The following PRKG1 variants were observed in gnomAD, a reference collection of about 807,000 sequenced individuals.
PRKG1 encodes the protein cGMP-dependent protein kinase 1.
A neutral mutation model predicts 88.1 loss-of-function variants in PRKG1; 35 were observed. That is an observed-to-expected ratio of 0.40 (90% CI 0.30 to 0.53). PRKG1 has a LOEUF of 0.53. Ranked by LOEUF, PRKG1 falls within the 20% of genes least tolerant of loss-of-function variation. The pLI is 0.59. For missense variants in PRKG1, 540 were observed against 839.8 expected, an observed-to-expected ratio of 0.64 and a Z score of 4.41; for synonymous variants, 303 against 292.5, an observed-to-expected ratio of 1.04 and a Z score of -0.37.
In PRKG1 at chr10:52,135,142, G is replaced by A. The variant is rs112522924; in HGVS notation, c.1001+1237G>A. On this transcript the variant is annotated intron_variant, in intron 8 of 17. Coordinates refer to ENST00000373980, the MANE Select transcript of PRKG1 (RefSeq NM_006258.4). The stretch of plus-strand genomic sequence containing the variant: ...AATGAGTTCAGAATAAAATTTTAAG[G>A]GAATTCAGAAAAGAGAGTGAGTACT... Among the ~76,000 whole-genome samples, 467 of 152,128 alleles carry A rather than the reference G, an allele frequency of 3.1e-3. 7 individuals are homozygous for A. Among genetic ancestry groups the A allele is most frequent in the African/African-American group, 0.011 (436 of 41,504 alleles).
At chr10:51,555,179 C>A (rs928781987) in intron 3 of PRKG1, among the ~76,000 whole-genome samples, 1 of 151,732 alleles carries the variant, frequency 6.6e-6, no homozygotes, top group Non-Finnish European at 1.5e-5. Flanking sequence ...CTCTCCAGTT[C>A]CAAGTGCTGA....
intron 7 of PRKG1, among the ~76,000 whole-genome samples, chr10:52,077,260 A>T (rs956176427): frequency 1.3e-5 from 2 of 152,194 alleles, no homozygotes; most frequent in African/African-American, 2.4e-5. Flanking sequence ...TCAGAAACAG[A>T]TTAGTATCAA....
chr10:51,568,211 C>T (rs76406262), intron 3 of PRKG1, among the ~76,000 whole-genome samples: 8,324 of 151,746 alleles, frequency 0.055, 348 homozygotes, highest in Middle Eastern at 0.088. Context: ...GAGTATTGTC[C>T]GAATGAGTGA....
intron 3 of PRKG1, among the ~76,000 whole-genome samples, chr10:51,628,777 G>A (rs1279231729): frequency 6.6e-6 from 1 of 151,338 alleles, no homozygotes; most frequent in Non-Finnish European, 1.5e-5. Flanking sequence ...GGCTAACAGG[G>A]TGAAACCCCG....
chr10:51,429,317 A>G (rs10997502), intron 2 of PRKG1, among the ~76,000 whole-genome samples: 38,383 of 152,130 alleles, frequency 0.25, 5,084 homozygotes, highest in Middle Eastern at 0.3. Flanking sequence ...GACTTAATCT[A>G]GAAAATCACT....
intron 1 of PRKG1, among the ~76,000 whole-genome samples, chr10:51,119,751 T>C (rs1845216617): frequency 6.6e-6 from 1 of 152,094 alleles, no homozygotes; most frequent in African/African-American, 2.4e-5. Flanking sequence ...TACTTTAAAA[T>C]AAAATGACAC....
intron 1 of PRKG1, among the ~76,000 whole-genome samples, chr10:51,145,404 TAG>T (rs1366516994): frequency 6.6e-6 from 1 of 152,190 alleles, no homozygotes; most frequent in Non-Finnish European, 1.5e-5. Context: ...ACTTCAGAAA[TAG>T]AGTTAGTTCT....
intron 2 of PRKG1, among the ~76,000 whole-genome samples, chr10:51,198,143 C>T (rs527998034): frequency 6.6e-6 from 1 of 152,046 alleles, no homozygotes; most frequent in African/African-American, 2.4e-5. Context: ...CAGTTTTGGG[C>T]AGGATAGTTG....
chr10:51,768,771 GT>G (rs1838233154), intron 3 of PRKG1, among the ~76,000 whole-genome samples: 1 of 152,164 alleles, frequency 6.6e-6, no homozygotes, highest in South Asian at 2.1e-4. Flanking sequence ...AATAGCCCTA[GT>G]GAAGTTAACT....
At position 51,536,807 on chromosome 10, in the gene PRKG1, C is replaced by G. The variant is rs896393881; in HGVS notation, c.592+68971C>G. Among the ~76,000 whole-genome samples the G allele has an allele frequency of 2.6e-4, 32 of 121,062 alleles. 1 individual carries two copies. The highest frequency in any genetic ancestry group is 3.8e-4 in the Non-Finnish European group (23 of 60,372). The allele number at this position is 121,062 out of a possible 152,430, so 79.4% of individuals were successfully genotyped here. On this transcript the variant is annotated intron_variant, in intron 3 of 17. Coordinates refer to ENST00000373980, the MANE Select transcript of PRKG1 (RefSeq NM_006258.4). ...TAACGCTATCCCTCACCCCTCCCCC[C>G]ACCCTGCAACAGTCCCCAGAATGTG...
chr10:51,271,437 G>A (rs924150339), intron 2 of PRKG1, among the ~76,000 whole-genome samples: 3 of 151,978 alleles, frequency 2.0e-5, no homozygotes, highest in Non-Finnish European at 2.9e-5. Context: ...GACAAACTTT[G>A]CAAAAAGTTT....
intron 1 of PRKG1, among the ~76,000 whole-genome samples, chr10:50,992,563 C>T (rs1842793609): frequency 6.6e-6 from 1 of 152,098 alleles, no homozygotes; most frequent in African/African-American, 2.4e-5. Context: ...TAGGCTGTTT[C>T]TCCGGACGCC....
chr10:51,007,181 G>T (rs766947215), intron 1 of PRKG1, among the ~76,000 whole-genome samples: 4 of 151,840 alleles, frequency 2.6e-5, no homozygotes, highest in African/African-American at 9.7e-5. Context: ...TCCTGACCTC[G>T]TGATCCACCC....
chr10:51,699,538 C>A, intron 3 of PRKG1: 2 of 1,609,768 alleles, frequency 1.2e-6, no homozygotes, highest in Non-Finnish European at 1.7e-6. Flanking sequence ...CTCTCACCGC[C>A]AAACTCGACA....
intron 9 of PRKG1, among the ~76,000 whole-genome samples, chr10:52,205,236 T>C (rs1029438685): frequency 6.6e-6 from 1 of 152,160 alleles, no homozygotes; most frequent in Non-Finnish European, 1.5e-5. Context: ...CCTTGTGATC[T>C]TTTGTCTCCC....
At position 51,954,681 on chromosome 10, in the gene PRKG1, G is replaced by A. The variant is rs1374530614; in HGVS notation, c.762+47111G>A. Among the ~76,000 whole-genome samples the A allele has an allele frequency of 3.3e-5, 5 of 152,184 alleles. No homozygotes were observed. In the East Asian group the frequency reaches 5.8e-4, roughly 18 times the overall value. ...AGGAGTCATATGTATGTATCTTGGC[G>A]ATTTGTAAGTCATAGGAATTTGGTA... On this transcript the variant is annotated intron_variant, in intron 5 of 17. Transcript: ENST00000373980.
chr10:51,774,647 C>T (rs1205701324), intron 3 of PRKG1, among the ~76,000 whole-genome samples: 1 of 151,930 alleles, frequency 6.6e-6, no homozygotes, highest in East Asian at 1.9e-4. Context: ...GTGGTAATAG[C>T]TCAATCCTTG....
chr10:51,695,910 G>GT (rs1841279001), intron 3 of PRKG1: 1 of 152,070 alleles, frequency 6.6e-6, no homozygotes, highest in South Asian at 2.1e-4. Flanking sequence ...CTTCTCCATA[G>GT]TAAGATCACC....
intron 2 of PRKG1, among the ~76,000 whole-genome samples, chr10:51,337,572 A>C (rs1841906804): frequency 6.6e-6 from 1 of 152,162 alleles, no homozygotes; most frequent in Admixed American, 6.5e-5. Context: ...CAAGAAAAAA[A>C]TCAACCCCAT....
Sources: allele counts gnomAD v4.1 joint callset (sites outside exome capture counted in the v4.1 genomes callset), GRCh38; gene constraint gnomAD v4.1.1; transcripts MANE v1.5; gene names NCBI Gene and HGNC (gene_info 2026-07-23, HGNC 2026-07-21).